The following DNM2 variants were observed in gnomAD, a reference collection of about 807,000 sequenced individuals.
DNM2 encodes the protein dynamin 2.
A neutral mutation model predicts 99.0 loss-of-function variants in DNM2; 15 were observed. The observed-to-expected ratio is 0.15, with a 90% CI of 0.10 to 0.23. The LOEUF (loss-of-function observed/expected upper bound fraction) is 0.23. Among genes scored for constraint, DNM2 ranks in the 10% least tolerant of loss-of-function variants. DNM2 has a pLI of 1.00. For synonymous variants in DNM2, 525 were observed against 481.2 expected (o/e 1.09, Z -1.19); for missense variants, 742 against 1,189.4 (o/e 0.62, Z 5.53).
chr19:10,736,629 CA>C (rs771624493), intron 1 of DNM2, among the ~76,000 whole-genome samples: 3 of 152,118 alleles, frequency 2.0e-5, no homozygotes, highest in Non-Finnish European at 4.4e-5. Context: ...TTTGTTTAGA[CA>C]AAGTCTCTCT....
intron 1 of DNM2, among the ~76,000 whole-genome samples, chr19:10,728,137 G>A (rs749180073): frequency 4.6e-5 from 7 of 152,170 alleles, no homozygotes; most frequent in Non-Finnish European, 8.8e-5. Flanking sequence ...AGCTTGAACC[G>A]GGAGCTGGAT....
In DNM2 at chr19:10,831,468, A is replaced by T. The variant is rs1207968251; in HGVS notation, c.*421A>T. On this transcript the variant is annotated 3_prime_UTR_variant, in exon 21 of 21. Coordinates refer to ENST00000389253, the MANE Select transcript of DNM2 (RefSeq NM_001005361.3). The surrounding 1 kb of genome is among the most constrained non-coding windows in gnomAD (Gnocchi z 4.3). ...CCAGGCCTTGCTGGGGTGCAGGGGT[A>T]TATCAACTTCCCATTAGCAGGAGCT... The T allele has an allele frequency of 5.0e-6, 5 of 995,022 alleles. No individual in the cohort carries two copies. The highest frequency in any genetic ancestry group is 6.0e-6 in the Non-Finnish European group (5 of 836,452). The allele number at this position is 995,022 out of a possible 1,614,324, so 61.6% of individuals were successfully genotyped here. A position where few individuals can be genotyped will look rare whatever the true frequency, so the allele number is the denominator to read the frequency against.
chr19:10,802,193 G>C (rs1447862750), intron 11 of DNM2, 95 bp from the exon 12 acceptor site: 2 of 1,375,840 alleles, frequency 1.5e-6, no homozygotes, highest in African/African-American at 2.8e-5. Context: ...TGGTTCCCAC[G>C]CCTTCCCTGC....
At chr19:10,788,716 G>A (rs1296510400) in intron 7 of DNM2, among the ~76,000 whole-genome samples, 2 of 152,168 alleles carry the variant, frequency 1.3e-5, no homozygotes, top group East Asian at 1.9e-4. Flanking sequence ...ATTCTCACTC[G>A]GGGACTCTTC....
chr19:10,745,966 T>C (rs1292387508), intron 1 of DNM2, among the ~76,000 whole-genome samples: 3 of 152,234 alleles, frequency 2.0e-5, no homozygotes, highest in Non-Finnish European at 4.4e-5. Flanking sequence ...TGTTTCTTTT[T>C]ATTTCATTTT....
chr19:10,813,867 G>T (rs181192494), intron 15 of DNM2, among the ~76,000 whole-genome samples: 1 of 149,518 alleles, frequency 6.7e-6, no homozygotes, highest in South Asian at 2.1e-4. Flanking sequence ...TAGACAATAC[G>T]TTGTTGCATT....
Position 10,811,505 on chromosome 19 carries a change from T to A in DNM2, c.1558-759T>A, listed in dbSNP as rs1248503712. Reference sequence around the variant, plus strand: ...CCACCCTTTGTAGCTTGGCCAAGTCTGTCAGTGCCTGGGTCCCAGGCCGCC... The same window carrying A: ...CCACCCTTTGTAGCTTGGCCAAGTCAGTCAGTGCCTGGGTCCCAGGCCGCC... On this transcript the variant is annotated intron_variant, in intron 14 of 20. Transcript: ENST00000389253. This position sits in a 1 kb window ranked among gnomAD's most constrained non-coding sequence, Gnocchi z 5.4. 5.6e-6 allele frequency: 2 copies of A among 358,516 alleles called. No homozygotes were observed. Among genetic ancestry groups the A allele is most frequent in the Non-Finnish European group, 1.1e-5 (2 of 181,414 alleles). 22.2% of individuals were successfully genotyped at this position (358,516 alleles called of 1,614,324 possible). A position where few individuals can be genotyped will look rare whatever the true frequency, so the allele number is the denominator to read the frequency against.
In DNM2 at chr19:10,817,816, TGCGC is replaced by T. The variant is rs58592246; in HGVS notation, c.1672-2155_1672-2152del. ...GCACACACACGTGTGTGTGTGTGTG[TGCGC>T]GCGCGCGCACGCGTGCGTGCCGGCA... is the stretch of plus-strand genomic sequence containing the variant. On this transcript the variant is annotated intron_variant, in intron 15 of 20. Transcript: ENST00000389253. This position sits in a 1 kb window ranked among gnomAD's most constrained non-coding sequence, Gnocchi z 4.6. 0.2 allele frequency among the ~76,000 whole-genome samples: 27,819 copies of T among 137,916 alleles called. 3,199 individuals carry two copies. The highest frequency in any genetic ancestry group is 0.29 in the Middle Eastern group (82 of 278). The allele number at this position is 137,916 out of a possible 152,430, so 90.5% of individuals were successfully genotyped here. A position where few individuals can be genotyped will look rare whatever the true frequency, so the allele number is the denominator to read the frequency against.
intron 1 of DNM2, among the ~76,000 whole-genome samples, chr19:10,732,318 A>G (rs1022145532): frequency 8.3e-5 from 12 of 144,012 alleles, no homozygotes; most frequent in African/African-American, 3.1e-4. Context: ...AAAAAAAAAA[A>G]CAGGCCGGGC....
At position 10,830,843 on chromosome 19, in the gene DNM2, T is replaced by A; in HGVS notation, c.2544-135T>A. ...TTGGCACTCCTGCCCGACACCCTGGTGGCTTGCGGAGGTCAGCCTGGGAAC... is the reference window on the plus strand; with the variant it reads ...TTGGCACTCCTGCCCGACACCCTGGAGGCTTGCGGAGGTCAGCCTGGGAAC... On this transcript the variant is annotated intron_variant, in intron 20 of 20. Coordinates refer to ENST00000389253, the MANE Select transcript of DNM2 (RefSeq NM_001005361.3). The surrounding 1 kb of genome is among the most constrained non-coding windows in gnomAD (Gnocchi z 4.8). 1 of 1,094,388 alleles carries A rather than the reference T, an allele frequency of 9.1e-7. No homozygotes were observed. Among genetic ancestry groups the A allele is most frequent in the South Asian group, 1.7e-5 (1 of 57,852 alleles). 67.8% of individuals were successfully genotyped at this position (1,094,388 alleles called of 1,614,324 possible). A position where few individuals can be genotyped will look rare whatever the true frequency, so the allele number is the denominator to read the frequency against.
intron 18 of DNM2, among the ~76,000 whole-genome samples, chr19:10,825,853 CAA>C (rs35659147): frequency 1.0e-3 from 67 of 67,010 alleles, no homozygotes; most frequent in Admixed American, 2.8e-3. Context: ...GACTCCATCT[CAA>C]AAAAAAAAAA....
chr19:10,776,199 G>A (rs921561442), intron 4 of DNM2, among the ~76,000 whole-genome samples: 4 of 152,196 alleles, frequency 2.6e-5, no homozygotes, highest in South Asian at 2.1e-4. Flanking sequence ...GCCCAGATGC[G>A]ATCTTAGGTC....
chr19:10,802,482 G>A, intron 12 of DNM2, 124 bp downstream of exon 12: 3 of 1,120,890 alleles, frequency 2.7e-6, no homozygotes, highest in Admixed American at 1.9e-5. Flanking sequence ...GGGGTCCTGG[G>A]GTGAAGGCAG....
chr19:10,801,012 A>G (rs901628973), intron 11 of DNM2, among the ~76,000 whole-genome samples: 1 of 152,218 alleles, frequency 6.6e-6, no homozygotes, highest in African/African-American at 2.4e-5. Context: ...GCCAGGCGCT[A>G]AAGACTTTAC....
chr19:10,802,244 C>T (rs772200768), intron 11 of DNM2, 44 bp from the exon 12 acceptor site: 5 of 1,609,468 alleles, frequency 3.1e-6, no homozygotes, highest in Non-Finnish European at 3.4e-6. Context: ...CCCCCCCTTG[C>T]CAGGCTTGGC....
chr19:10,749,497 T>G (rs2070118095), intron 1 of DNM2, among the ~76,000 whole-genome samples: 1 of 152,210 alleles, frequency 6.6e-6, no homozygotes, highest in African/African-American at 2.4e-5. Flanking sequence ...GTGAAGTGAC[T>G]TGAGCCAGGC....
intron 9 of DNM2, among the ~76,000 whole-genome samples, chr19:10,797,009 C>T (rs1438646766): frequency 6.6e-6 from 1 of 152,090 alleles, no homozygotes; most frequent in African/African-American, 2.4e-5. Flanking sequence ...CCCACATTTG[C>T]TGCTTAAGCT....
chr19:10,733,051 T>G (rs769324106), intron 1 of DNM2, among the ~76,000 whole-genome samples: 1 of 151,822 alleles, frequency 6.6e-6, no homozygotes, highest in Non-Finnish European at 1.5e-5. Context: ...GCCCAGCTAA[T>G]TTTTGTAGTT....
rs2072550348 is a variant in DNM2 at position 10,811,673 on chromosome 19, G to T, written c.1558-591G>T. The T allele has an allele frequency of 5.8e-6, 3 of 513,048 alleles. No homozygotes were observed. Among genetic ancestry groups the T allele is most frequent in the Non-Finnish European group, 1.2e-5 (3 of 257,688 alleles). 31.8% of individuals were successfully genotyped at this position (513,048 alleles called of 1,614,324 possible). ...CTGCCTGCCGTTAGTTGTCAGGTGA[G>T]TCCCTGCGCAGGCCTGGGTTCTGAC... On this transcript the variant is annotated intron_variant, in intron 14 of 20. Coordinates refer to ENST00000389253, the MANE Select transcript of DNM2 (RefSeq NM_001005361.3). The surrounding 1 kb of genome is among the most constrained non-coding windows in gnomAD (Gnocchi z 5.4).
Sources: gnomAD v4.1 joint callset for allele counts (sites outside exome capture counted in the v4.1 genomes callset) on GRCh38, gnomAD v4.1.1 for gene constraint, Gnocchi (gnomAD v3.1) non-coding constraint, MANE v1.5 for transcripts, NCBI Gene and HGNC (gene_info 2026-07-23, HGNC 2026-07-21) for gene names.